CREBBP: variants seen among roughly 807,000 people sequenced by gnomAD.
CREBBP encodes CREB-binding protein.
Under a neutral mutation model 265.0 loss-of-function variants are expected in CREBBP, and 19 were observed. That is an observed-to-expected ratio of 0.07 (90% confidence interval 0.05 to 0.11). CREBBP has a LOEUF of 0.11. Ranked by LOEUF, CREBBP falls within the 10% of genes least tolerant of loss-of-function variation. The pLI is 1.00. For missense variants in CREBBP, 2,525 were observed against 3,219.0 expected, an observed-to-expected ratio of 0.78 and a Z score of 5.22; for synonymous variants, 1,457 against 1,223.7, an observed-to-expected ratio of 1.19 and a Z score of -3.98.
intron 14 of CREBBP, among the ~76,000 whole-genome samples, chr16:3,769,668 C>T (rs1159856166): frequency 6.6e-6 from 1 of 152,124 alleles, no homozygotes; most frequent in Non-Finnish European, 1.5e-5. Context: ...AATTAATTCC[C>T]TTCAATATGG....
At position 3,726,134 on chromosome 16, in the gene CREBBP, C is replaced by G. The variant is rs183781082; in HGVS notation, c.*1584G>C. 1 of 232,990 alleles carries G rather than the reference C, an allele frequency of 4.3e-6. No individual in the cohort carries two copies. The highest frequency in any genetic ancestry group is 1.8e-4 in the South Asian group (1 of 5,524). The allele number at this position is 232,990 out of a possible 1,614,324, so 14.4% of individuals were successfully genotyped here. ...GTCTGTCCCTCAGCATTTCCTCAAA[C>G]GCCACACGGGACATGCTGCGCGGCA... On this transcript the variant is annotated 3_prime_UTR_variant, in exon 31 of 31. Coordinates refer to ENST00000262367, the MANE Select transcript of CREBBP (RefSeq NM_004380.3).
chr16:3,753,306 C>G (rs1430595007), intron 19 of CREBBP, among the ~76,000 whole-genome samples: 3 of 152,222 alleles, frequency 2.0e-5, no homozygotes, highest in African/African-American at 4.8e-5. Context: ...ATACATTGAG[C>G]ATTTTGTCTG....
chr16:3,754,118 G>A (rs576967186), intron 19 of CREBBP, among the ~76,000 whole-genome samples: 6 of 144,448 alleles, frequency 4.2e-5, no homozygotes, highest in Admixed American at 2.0e-4. Flanking sequence ...GATCAGAACC[G>A]GGGAGGCAAA....
At chr16:3,752,980 C>T (rs1318067650) in intron 19 of CREBBP, among the ~76,000 whole-genome samples, 1 of 152,070 alleles carries the variant, frequency 6.6e-6, no homozygotes, top group Non-Finnish European at 1.5e-5. Flanking sequence ...ACAAGAATAC[C>T]GTAAGAATAA....
intron 1 of CREBBP, among the ~76,000 whole-genome samples, chr16:3,863,375 G>A (rs2055115170): frequency 6.6e-6 from 1 of 152,152 alleles, no homozygotes; most frequent in Non-Finnish European, 1.5e-5. Flanking sequence ...AGCCCAGGCA[G>A]GAAGATCACC....
chr16:3,745,389 C>T (rs111293265), intron 21 of CREBBP, 35 bp from the exon 22 acceptor site: 22 of 1,596,986 alleles, frequency 1.4e-5, no homozygotes, highest in East Asian at 9.0e-5. Context: ...TTAAAGCACA[C>T]GGAACCACAA....
chr16:3,831,734 C>CA (rs1484853416), intron 2 of CREBBP, among the ~76,000 whole-genome samples: 1 of 152,136 alleles, frequency 6.6e-6, no homozygotes, highest in Non-Finnish European at 1.5e-5. Context: ...TGGTGGCTCA[C>CA]ACCTATAATC....
Position 3,850,920 on chromosome 16 carries a change from G to C in CREBBP, c.175C>G (p.Leu59Val). 1 of 1,614,174 alleles carries C rather than the reference G, an allele frequency of 6.2e-7. No homozygotes were observed. Among genetic ancestry groups the C allele is most frequent in the Non-Finnish European group, 8.5e-7 (1 of 1,180,034 alleles). ...GELGLLNSGN[L>V]VPDAASKHKQ... is the part of the protein sequence containing the mutation. Reference sequence around the variant, plus strand: ...TGTTTGGAAGCAGCATCTGGAACAAGGTTCCCACTGTTTAAAAGGCCTAAT... The same window carrying C: ...TGTTTGGAAGCAGCATCTGGAACAACGTTCCCACTGTTTAAAAGGCCTAAT... Residue 59 changes from leucine (L) to valine (V), a missense_variant, in exon 2 of 31, where the codon CTT becomes GTT. Physicochemically the swap from Leu to Val is conservative, Grantham distance 32. This residue lies in a region of CREBBP where 356 missense variants were observed against 340.4 expected (regional missense o/e 1.05). Coordinates refer to ENST00000262367, the MANE Select transcript of CREBBP (RefSeq NM_004380.3).
In CREBBP at chr16:3,864,630, A is replaced by ATTGTC. The variant is rs562947380; in HGVS notation, c.86-13622_86-13621insGACAA. 2.8e-3 allele frequency among the ~76,000 whole-genome samples: 430 copies of ATTGTC among 152,310 alleles called. 2 individuals carry two copies. Among genetic ancestry groups the ATTGTC allele is most frequent in the African/African-American group, 9.8e-3 (407 of 41,568 alleles). On this transcript the variant is annotated intron_variant, in intron 1 of 30. Transcript: ENST00000262367. ...GTCACTGCACTCCATCCTGGGTGAC[A>ATTGTC]GAGTGAGACCCTGACTCAAAATAAT...
At chr16:3,872,337 C>T (rs1325448339) in intron 1 of CREBBP, among the ~76,000 whole-genome samples, 1 of 152,154 alleles carries the variant, frequency 6.6e-6, no homozygotes, top group African/African-American at 2.4e-5. Context: ...CTCTTCAAGT[C>T]ACAGCTCAAA....
chr16:3,849,563 G>A (rs1445225896), intron 2 of CREBBP, among the ~76,000 whole-genome samples: 2 of 126,388 alleles, frequency 1.6e-5, no homozygotes, highest in African/African-American at 5.9e-5. Context: ...AAGAGACAGG[G>A]TTTCGCCACA....
intron 3 of CREBBP, among the ~76,000 whole-genome samples, chr16:3,797,737 G>A (rs771853890): frequency 6.6e-6 from 1 of 151,762 alleles, no homozygotes; most frequent in East Asian, 1.9e-4. Context: ...ACATTCAAGA[G>A]TGGTGAGGCA....
chr16:3,727,692 A>C lies in CREBBP; in HGVS notation c.*26T>G. 6.2e-7 allele frequency: 1 copy of C among 1,612,360 alleles called. No individual in the cohort carries two copies. ...AGTACAAAAGGTCCAAGAACATGAA[A>C]GGGAAAAGGTGATGCTCTCACAATG... On this transcript the variant is annotated 3_prime_UTR_variant, in exon 31 of 31. Coordinates refer to ENST00000262367, the MANE Select transcript of CREBBP (RefSeq NM_004380.3).
At chr16:3,783,082 T>A (rs1158076955) in intron 5 of CREBBP, among the ~76,000 whole-genome samples, 156 bp from the exon 6 acceptor site, 1 of 152,172 alleles carries the variant, frequency 6.6e-6, no homozygotes, top group Non-Finnish European at 1.5e-5. Flanking sequence ...AGAAAGGAAC[T>A]GTGCTGAAGG....
At chr16:3,835,513 G>C (rs1046778300) in intron 2 of CREBBP, among the ~76,000 whole-genome samples, 2 of 149,494 alleles carry the variant, frequency 1.3e-5, no homozygotes, top group African/African-American at 2.5e-5. Context: ...ATTTATCTAA[G>C]AGAAATGAAA....
At chr16:3,792,170 G>A in intron 4 of CREBBP, 76 bp from the exon 5 acceptor site, 1 of 1,173,548 alleles carries the variant, frequency 8.5e-7, no homozygotes, top group Non-Finnish European at 1.3e-6. Context: ...AAATTATAAT[G>A]CCAGATTCCA....
chr16:3,847,516 A>G (rs2054692633), intron 2 of CREBBP, among the ~76,000 whole-genome samples: 1 of 152,190 alleles, frequency 6.6e-6, no homozygotes, highest in Admixed American at 6.6e-5. Context: ...AATGCACTCT[A>G]TCCACCTCTA....
intron 2 of CREBBP, among the ~76,000 whole-genome samples, chr16:3,821,275 C>T (rs1016591944): frequency 1.3e-5 from 2 of 152,244 alleles, no homozygotes; most frequent in Admixed American, 6.5e-5. Context: ...TGTTGCTACT[C>T]GCAGTGAGTG....
At position 3,731,703 on chromosome 16, in the gene CREBBP, C is replaced by G. The variant is rs576673028; in HGVS notation, c.4890+73G>C. 4.2e-4 allele frequency: 672 copies of G among 1,601,370 alleles called. No homozygotes were observed. The highest frequency in any genetic ancestry group is 1.3e-3 in the Admixed American group (76 of 60,002). On this transcript the variant is annotated intron_variant, in intron 29 of 30. Coordinates refer to ENST00000262367, the MANE Select transcript of CREBBP (RefSeq NM_004380.3). The surrounding 1 kb of genome is among the most constrained non-coding windows in gnomAD (Gnocchi z 7.7). ...CCCACCACAGACCTGCACACGGGCC[C>G]ACGCCCGCCAGCTGCGAGTCTTTCC...
Sources: gnomAD v4.1 joint callset for allele counts (sites outside exome capture counted in the v4.1 genomes callset) on GRCh38, gnomAD v4.1.1 for gene constraint, gnomAD v4.1.1 regional missense constraint, Gnocchi (gnomAD v3.1) non-coding constraint, MANE v1.5 for transcripts, NCBI Gene and HGNC (gene_info 2026-07-23, HGNC 2026-07-21) for gene names.